Variants in DPP10 observed in about 807,000 individuals in gnomAD.
DPP10 encodes the protein dipeptidyl peptidase like 10.
Under a neutral mutation model 120.9 loss-of-function variants are expected in DPP10, and 33 were observed. The observed-to-expected ratio is 0.27, with a 90% CI of 0.21 to 0.37. The LOEUF (loss-of-function observed/expected upper bound fraction) is 0.37. Ranked by LOEUF, DPP10 falls within the 10% of genes least tolerant of loss-of-function variation. The pLI is 1.00. For missense variants in DPP10, 816 were observed against 942.8 expected, an observed-to-expected ratio of 0.87 and a Z score of 1.76; for synonymous variants, 337 against 326.1, an observed-to-expected ratio of 1.03 and a Z score of -0.36.
At chr2:115,063,711 C>A (rs1026843080) in intron 1 of DPP10, among the ~76,000 whole-genome samples, 7 of 152,140 alleles carry the variant, frequency 4.6e-5, no homozygotes, top group Non-Finnish European at 7.3e-5. Flanking sequence ...ACTGGCTAGC[C>A]ATATGCAGAA....
intron 5 of DPP10, among the ~76,000 whole-genome samples, chr2:115,565,900 C>T (rs992740852): frequency 6.6e-6 from 1 of 151,758 alleles, no homozygotes; most frequent in Admixed American, 6.6e-5. Flanking sequence ...ATTCTCCTGC[C>T]TCAGCCTCCC....
At chr2:115,615,015 G>A (rs745958434) in intron 5 of DPP10, among the ~76,000 whole-genome samples, 17 of 152,152 alleles carry the variant, frequency 1.1e-4, no homozygotes, top group Non-Finnish European at 2.4e-4. Context: ...TGCAGAGGCA[G>A]AGGAAAAGAG....
At chr2:114,573,869 G>T (rs977233091) in intron 1 of DPP10, among the ~76,000 whole-genome samples, 4 of 152,278 alleles carry the variant, frequency 2.6e-5, no homozygotes, top group East Asian at 3.9e-4. Context: ...CTGCTGCAAA[G>T]GTTGCCTTAC....
chr2:114,859,802 T>C (rs1689669393), intron 1 of DPP10, among the ~76,000 whole-genome samples: 2 of 152,190 alleles, frequency 1.3e-5, no homozygotes, highest in African/African-American at 4.8e-5. Context: ...CTAATAGATA[T>C]TTAACTGAAT....
chr2:114,623,602 T>A (rs1694267256), intron 1 of DPP10, among the ~76,000 whole-genome samples: 1 of 152,076 alleles, frequency 6.6e-6, no homozygotes, highest in African/African-American at 2.4e-5. Context: ...AGCAATTTTT[T>A]AAATTTTGTG....
At chr2:115,391,584 A>G (rs2067319195) in intron 3 of DPP10, among the ~76,000 whole-genome samples, 1 of 152,078 alleles carries the variant, frequency 6.6e-6, no homozygotes, top group Non-Finnish European at 1.5e-5. Context: ...ACAGTTTCCA[A>G]ATTTATACAT....
rs199665044 is a variant in DPP10, at chr2:115,485,327, C to T, written c.272-14183C>T. On this transcript the variant is annotated intron_variant, in intron 3 of 25. Coordinates refer to ENST00000410059, the MANE Select transcript of DPP10 (RefSeq NM_020868.6). ...TCCAAAGAAAAACGACAACCTATTG[C>T]CCAAAGTTATTGCCTCATTTCCACT... 2.8e-3 allele frequency among the ~76,000 whole-genome samples: 406 copies of T among 144,130 alleles called. 19 individuals carry two copies. The East Asian group carries it at 0.067, about 24-fold the overall frequency. The allele number at this position is 144,130 out of a possible 152,430, so 94.6% of individuals were successfully genotyped here. A position where few individuals can be genotyped will look rare whatever the true frequency, so the allele number is the denominator to read the frequency against.
intron 5 of DPP10, among the ~76,000 whole-genome samples, chr2:115,617,272 T>TATATATATATATATA (rs58444943): frequency 5.9e-5 from 8 of 135,862 alleles, no homozygotes; most frequent in African/African-American, 1.9e-4. Flanking sequence ...TATATATTTT[T>TATATATATATATATA]TATATATATA....
In DPP10 at chr2:114,559,300, C is replaced by T. The variant is rs144270386; in HGVS notation, c.60+116462C>T. Among the ~76,000 whole-genome samples, 89 of 152,202 alleles carry T rather than the reference C, an allele frequency of 5.8e-4. 1 individual carries two copies. The highest frequency in any genetic ancestry group is 3.4e-3 in the Middle Eastern group (1 of 294). The stretch of plus-strand genomic sequence containing the variant: ...CATGAGGGAAGCAGGAAGGTCAGAA[C>T]CTGAGAAGAGGCAGAGGTCAGAGTG... On this transcript the variant is annotated intron_variant, in intron 1 of 25. Transcript: ENST00000410059.
Position 115,458,248 on chromosome 2 carries a change from AC to A in DPP10, c.272-41260del, listed in dbSNP as rs1327832362. Among the ~76,000 whole-genome samples, 3 of 152,156 alleles carry A rather than the reference AC, an allele frequency of 2.0e-5. No homozygotes were observed. In the East Asian group the frequency reaches 5.8e-4, roughly 29 times the overall value. On this transcript the variant is annotated intron_variant, in intron 3 of 25. Transcript: ENST00000410059. ...TTTCCAGATGTAATCTCAGCCTCTT[AC>A]CATAGGGATGATATGGACTGGAGGA...
At chr2:115,094,149 C>T (rs1027142016) in intron 1 of DPP10, among the ~76,000 whole-genome samples, 1 of 151,940 alleles carries the variant, frequency 6.6e-6, no homozygotes, top group Non-Finnish European at 1.5e-5. Context: ...AGGAGAAAAA[C>T]ATTCATATAG....
chr2:115,823,525 TCAAA>T (rs756402036), intron 21 of DPP10, among the ~76,000 whole-genome samples: 6 of 152,314 alleles, frequency 3.9e-5, no homozygotes, highest in South Asian at 2.1e-4. Flanking sequence ...GAACGAAAGG[TCAAA>T]CAAAGTCTTT....
At chr2:115,364,148 C>CT (rs1211163737) in intron 3 of DPP10, among the ~76,000 whole-genome samples, 2 of 151,332 alleles carry the variant, frequency 1.3e-5, no homozygotes, top group East Asian at 1.9e-4. Context: ...AAAAGATCTG[C>CT]TTTTTTTTTC....
intron 1 of DPP10, among the ~76,000 whole-genome samples, chr2:114,720,329 T>C (rs1701623521): frequency 6.6e-6 from 1 of 152,176 alleles, no homozygotes; most frequent in Admixed American, 6.5e-5. Context: ...TAACTTATTT[T>C]CTGTAATTTG....
At chr2:115,316,489 A>T (rs937819474) in intron 2 of DPP10, among the ~76,000 whole-genome samples, 16 of 152,138 alleles carry the variant, frequency 1.1e-4, no homozygotes. Flanking sequence ...TCAGCTGAGG[A>T]TTGAGGTGTA....
intron 1 of DPP10, among the ~76,000 whole-genome samples, chr2:114,507,625 G>C (rs1285021317): frequency 6.6e-6 from 1 of 152,012 alleles, no homozygotes; most frequent in Admixed American, 6.5e-5. Flanking sequence ...TTCTATCCGG[G>C]ATTGATACTG....
At chr2:115,629,257 A>T (rs1323566546) in intron 5 of DPP10, among the ~76,000 whole-genome samples, 1 of 152,142 alleles carries the variant, frequency 6.6e-6, no homozygotes, top group Non-Finnish European at 1.5e-5. Flanking sequence ...GCTATTGCGA[A>T]TAGTGCTGCA....
intron 1 of DPP10, among the ~76,000 whole-genome samples, chr2:114,983,588 A>G (rs1055802449): frequency 7.2e-5 from 11 of 152,164 alleles, no homozygotes; most frequent in Non-Finnish European, 1.5e-4. Flanking sequence ...TTTAGCCTTT[A>G]TACATGGTTA....
chr2:114,888,154 A>G (rs1392533821), intron 1 of DPP10, among the ~76,000 whole-genome samples: 1 of 151,790 alleles, frequency 6.6e-6, no homozygotes, highest in Middle Eastern at 3.2e-3. Flanking sequence ...AAAAAAAAAA[A>G]AAAAAAGAAA....
Sources: allele counts gnomAD v4.1 joint callset (sites outside exome capture counted in the v4.1 genomes callset), GRCh38; gene constraint gnomAD v4.1.1; transcripts MANE v1.5; gene names NCBI Gene and HGNC (gene_info 2026-07-23, HGNC 2026-07-21).